The following TOM1L2 variants were observed in gnomAD, a reference collection of about 807,000 sequenced individuals.
TOM1L2 encodes the protein TOM1-like protein 2.
TOM1L2 carries 31 observed loss-of-function variants against 67.9 expected under a neutral mutation model. The ratio of observed to expected loss-of-function variants is 0.46; its 90% CI spans 0.34 to 0.62. The LOEUF (loss-of-function observed/expected upper bound fraction) is 0.62. Among genes scored for constraint, TOM1L2 ranks in the 20% least tolerant of loss-of-function variants. The pLI is 0.01. For missense variants in TOM1L2, 606 were observed against 663.5 expected, an observed-to-expected ratio of 0.91 and a Z score of 0.95; for synonymous variants, 256 against 254.0, an observed-to-expected ratio of 1.01 and a Z score of -0.07.
chr17:17,940,192 CAAAAA>C (rs34433429), intron 1 of TOM1L2, among the ~76,000 whole-genome samples: 683 of 32,574 alleles, frequency 0.021, 9 homozygotes, highest in African/African-American at 0.058. Context: ...GACTCTATCT[CAAAAA>C]AAAAAAAAAA....
chr17:17,962,462 A>G (rs2041721956), intron 1 of TOM1L2, among the ~76,000 whole-genome samples: 1 of 151,884 alleles, frequency 6.6e-6, no homozygotes, highest in Admixed American at 6.6e-5. Flanking sequence ...ACAGGCGCAC[A>G]CTGCCATGCC....
At chr17:17,873,041 T>C (rs1028498894) in intron 7 of TOM1L2, among the ~76,000 whole-genome samples, 7 of 152,180 alleles carry the variant, frequency 4.6e-5, no homozygotes, top group Admixed American at 2.6e-4. Context: ...CCTCAGACTT[T>C]CCAGAATATA....
intron 1 of TOM1L2, among the ~76,000 whole-genome samples, chr17:17,969,176 C>T (rs965322490): frequency 1.3e-5 from 2 of 151,908 alleles, no homozygotes; most frequent in Non-Finnish European, 2.9e-5. Context: ...CCTGTCTCAG[C>T]CTCCTGAATA....
rs2035709863 is a variant in TOM1L2 at position 17,847,536 on chromosome 17, C to T, written c.*99G>A. On this transcript the variant is annotated 3_prime_UTR_variant, in exon 15 of 15. Transcript: ENST00000379504. ...GCATTTCCATGGAAACACAGGTGTG[C>T]AGGCCGTGTGGAGCTGGGGATGTAG... is the stretch of plus-strand genomic sequence containing the variant. 12 of 1,456,500 alleles carry T rather than the reference C, an allele frequency of 8.2e-6. No homozygotes were observed. The highest frequency in any genetic ancestry group is 2.2e-5 in the Admixed American group (1 of 46,022). 90.2% of individuals were successfully genotyped at this position (1,456,500 alleles called of 1,614,324 possible). A position where few individuals can be genotyped will look rare whatever the true frequency, so the allele number is the denominator to read the frequency against.
At chr17:17,893,538 A>T in intron 4 of TOM1L2, 123 bp downstream of exon 4, 1 of 990,416 alleles carries the variant, frequency 1.0e-6, no homozygotes, top group Non-Finnish European at 1.5e-6. Context: ...TTTGCACCAA[A>T]TATTTTAAAT....
intron 12 of TOM1L2, among the ~76,000 whole-genome samples, chr17:17,855,415 G>A (rs1171233557): frequency 6.6e-6 from 1 of 152,124 alleles, no homozygotes; most frequent in Non-Finnish European, 1.5e-5. Flanking sequence ...CTCACATGAG[G>A]ATATTTTCCT....
At chr17:17,912,369 G>A (rs1168576815) in intron 1 of TOM1L2, among the ~76,000 whole-genome samples, 1 of 152,000 alleles carries the variant, frequency 6.6e-6, no homozygotes, top group Non-Finnish European at 1.5e-5. Flanking sequence ...GCCGGGCGGA[G>A]AGGCTCCTCA....
At chr17:17,962,324 A>AT (rs35022332) in intron 1 of TOM1L2, among the ~76,000 whole-genome samples, 4,691 of 146,388 alleles carry the variant, frequency 0.032, 218 homozygotes, top group African/African-American at 0.11. Flanking sequence ...ATTGTTGCAT[A>AT]TTTTTTTTTT....
chr17:17,850,216 C>T (rs1598169309), intron 13 of TOM1L2, among the ~76,000 whole-genome samples: 1 of 152,176 alleles, frequency 6.6e-6, no homozygotes, highest in Non-Finnish European at 1.5e-5. Flanking sequence ...ACCCTGGCCC[C>T]CTACTGGGCT....
At chr17:17,873,134 C>T (rs61188141) in intron 7 of TOM1L2, among the ~76,000 whole-genome samples, 2,350 of 152,290 alleles carry the variant, frequency 0.015, 69 homozygotes, top group African/African-American at 0.054. Flanking sequence ...TTTCCTTTTC[C>T]ATCAAACAAA....
rs2035712399 is a variant in TOM1L2 at position 17,847,578 on chromosome 17, G to A, written c.*57C>T. 6.5e-7 allele frequency: 1 copy of A among 1,549,496 alleles called. No individual in the cohort carries two copies. Among genetic ancestry groups the A allele is most frequent in the Non-Finnish European group, 8.7e-7 (1 of 1,151,094 alleles). Reference sequence around the variant, plus strand: ...GGGATGTAGGAGTGGCCAGTGCCCGGTGTCCACGGGGTGCGAGCGGGGACC... The same window carrying A: ...GGGATGTAGGAGTGGCCAGTGCCCGATGTCCACGGGGTGCGAGCGGGGACC... On this transcript the variant is annotated 3_prime_UTR_variant, in exon 15 of 15. Transcript: ENST00000379504.
At chr17:17,903,502 A>G (rs2038947239) in intron 2 of TOM1L2, among the ~76,000 whole-genome samples, 2 of 151,608 alleles carry the variant, frequency 1.3e-5, no homozygotes, top group Non-Finnish European at 2.9e-5. Context: ...AGTCCCAGCT[A>G]CTCAGGAGGC....
chr17:17,880,136 A>G (rs2037645447), intron 6 of TOM1L2, among the ~76,000 whole-genome samples: 1 of 152,160 alleles, frequency 6.6e-6, no homozygotes, highest in Non-Finnish European at 1.5e-5. Flanking sequence ...GGAGGGCAGG[A>G]GCTCTGAGAT....
chr17:17,850,143 G>T (rs926032421), intron 13 of TOM1L2, among the ~76,000 whole-genome samples: 2 of 152,184 alleles, frequency 1.3e-5, no homozygotes, highest in Non-Finnish European at 2.9e-5. Context: ...AGCTCTGGGG[G>T]AGAATCCAAC....
rs1450095268 is a variant in TOM1L2, at chr17:17,896,046, G to C, written c.217-2236C>G. On this transcript the variant is annotated intron_variant, in intron 3 of 14. Transcript: ENST00000379504. ...CCTCAGGGCCTCTGAGTGACCACAGGTTTTACTAAGCCAAGGAGGCATTTT... is the reference window on the plus strand; with the variant it reads ...CCTCAGGGCCTCTGAGTGACCACAGCTTTTACTAAGCCAAGGAGGCATTTT... 2.0e-5 allele frequency among the ~76,000 whole-genome samples: 3 copies of C among 152,048 alleles called. No individual in the cohort carries two copies. In the East Asian group the frequency reaches 5.8e-4, roughly 29 times the overall value.
chr17:17,887,240 T>C (rs2038045200), intron 4 of TOM1L2, among the ~76,000 whole-genome samples: 2 of 152,226 alleles, frequency 1.3e-5, no homozygotes, highest in East Asian at 1.9e-4. Context: ...TTCCAACCCT[T>C]ATCTGGGACC....
Position 17,903,990 on chromosome 17 carries a change from G to GATTATTATTATT in TOM1L2, c.137+3445_137+3456dup, listed in dbSNP as rs58881326. Among the ~76,000 whole-genome samples the GATTATTATTATT allele has an allele frequency of 3.9e-3, 596 of 151,470 alleles. 7 individuals carry two copies. Among genetic ancestry groups the GATTATTATTATT allele is most frequent in the African/African-American group, 0.013 (526 of 41,016 alleles). ...TGGGAGTTTCTTTCACTCAGGAAGA[G>GATTATTATTATT]ATTATTATTATTATTATTATTTTTA... On this transcript the variant is annotated intron_variant, in intron 2 of 14. Transcript: ENST00000379504.
At position 17,954,878 on chromosome 17, in the gene TOM1L2, A is replaced by G. The variant is rs184233255; in HGVS notation, c.52+17384T>C. Among the ~76,000 whole-genome samples the G allele has an allele frequency of 5.2e-4, 79 of 152,340 alleles. 1 individual carries two copies. The highest frequency in any genetic ancestry group is 5.2e-3 in the Admixed American group (79 of 15,306). Reference sequence around the variant, plus strand: ...AAACAAACAAAAAACTCTCACACAGATACTACGCTCTAAGGCCAAGAGAGG... The same window carrying G: ...AAACAAACAAAAAACTCTCACACAGGTACTACGCTCTAAGGCCAAGAGAGG... On this transcript the variant is annotated intron_variant, in intron 1 of 14. Transcript: ENST00000379504.
intron 1 of TOM1L2, among the ~76,000 whole-genome samples, chr17:17,946,493 A>G (rs966386385): frequency 3.3e-5 from 5 of 152,152 alleles, no homozygotes; most frequent in Non-Finnish European, 4.4e-5. Context: ...GGCTTCTTTC[A>G]TGAAACATAA....
Sources: gnomAD v4.1 joint callset for allele counts (sites outside exome capture counted in the v4.1 genomes callset) on GRCh38, gnomAD v4.1.1 for gene constraint, MANE v1.5 for transcripts, NCBI Gene and HGNC (gene_info 2026-07-23, HGNC 2026-07-21) for gene names.